The following BEAN1 variants were observed in gnomAD, a reference collection of about 807,000 sequenced individuals.
The protein encoded by BEAN1 is brain expressed associated with NEDD4 1.
Under a neutral mutation model 17.7 loss-of-function variants are expected in BEAN1, and 17 were observed. The observed-to-expected ratio is 0.96, with a 90% confidence interval of 0.66 to 1.44. The LOEUF is 1.44. Ranked by LOEUF, BEAN1 falls within the 40% of genes most tolerant of loss-of-function variation. BEAN1 has a pLI of 0.00. For missense variants in BEAN1, 359 were observed against 374.1 expected (o/e 0.96, Z 0.33); for synonymous variants, 142 against 151.8 (o/e 0.94, Z 0.47).
intron 2 of BEAN1, among the ~76,000 whole-genome samples, chr16:66,458,618 G>C (rs1035552827): frequency 1.5e-5 from 2 of 131,172 alleles, no homozygotes; most frequent in African/African-American, 5.9e-5. Flanking sequence ...CTTCTGCTCT[G>C]TGCTACTATT....
rs536031989 is a variant in BEAN1, at chr16:66,445,062, G to A, written c.25+7361G>A. Among the ~76,000 whole-genome samples, 36 of 152,322 alleles carry A rather than the reference G, an allele frequency of 2.4e-4. No individual in the cohort carries two copies. The South Asian group carries it at 4.3e-3, about 18-fold the overall frequency. ...AATCTTTCTGGGTGCCAGGGTTACA[G>A]CCTTGAACAAAGCAAAGTCCCAGCT... On this transcript the variant is annotated intron_variant, in intron 2 of 4. Coordinates refer to ENST00000536005, the MANE Select transcript of BEAN1 (RefSeq NM_001178020.3).
intron 2 of BEAN1, among the ~76,000 whole-genome samples, chr16:66,462,860 G>A (rs1421855495): frequency 6.6e-6 from 1 of 151,036 alleles, no homozygotes; most frequent in Non-Finnish European, 1.5e-5. Context: ...AATCAAATGA[G>A]GTGGACAGGG....
chr16:66,446,547 G>C (rs1163066152), intron 2 of BEAN1, among the ~76,000 whole-genome samples: 1 of 152,152 alleles, frequency 6.6e-6, no homozygotes, highest in African/African-American at 2.4e-5. Context: ...GTTCAGAGAA[G>C]AGTCTGGAGC....
chr16:66,493,929 T>G (rs1237023496), downstream of BEAN1, among the ~76,000 whole-genome samples: 1 of 152,200 alleles, frequency 6.6e-6, no homozygotes, highest in Non-Finnish European at 1.5e-5. Context: ...TAGGGCCTCT[T>G]GTGGGGCCAG....
downstream of BEAN1, among the ~76,000 whole-genome samples, chr16:66,487,473 C>G (rs1006229764): frequency 3.3e-5 from 5 of 152,178 alleles, no homozygotes; most frequent in African/African-American, 1.2e-4. Context: ...GAACTCCCAG[C>G]TCAATTATGA....
intron 4 of BEAN1, among the ~76,000 whole-genome samples, chr16:66,478,661 GAC>G (rs1434268014): frequency 6.6e-6 from 1 of 152,116 alleles, no homozygotes; most frequent in Non-Finnish European, 1.5e-5. Flanking sequence ...TCATGAAAAT[GAC>G]ACAGAAGTGC....
intron 2 of BEAN1, among the ~76,000 whole-genome samples, chr16:66,457,591 A>T (rs1962921296): frequency 6.6e-6 from 1 of 151,904 alleles, no homozygotes; most frequent in Non-Finnish European, 1.5e-5. Flanking sequence ...CTACAGACTC[A>T]CCCCTCTGTG....
At chr16:66,444,267 C>T (rs571161837) in intron 2 of BEAN1, among the ~76,000 whole-genome samples, 10 of 152,314 alleles carry the variant, frequency 6.6e-5, no homozygotes, top group Non-Finnish European at 1.5e-4. Flanking sequence ...CTTAGATTTT[C>T]CCCAATCTGA....
intron 2 of BEAN1, among the ~76,000 whole-genome samples, chr16:66,460,941 G>A (rs1326302865): frequency 6.6e-6 from 1 of 152,236 alleles, no homozygotes; most frequent in Non-Finnish European, 1.5e-5. Flanking sequence ...GATTAAATGA[G>A]ATAATGTGGT....
At chr16:66,452,637 C>A (rs1041773096) in intron 2 of BEAN1, among the ~76,000 whole-genome samples, 1 of 152,146 alleles carries the variant, frequency 6.6e-6, no homozygotes, top group African/African-American at 2.4e-5. Flanking sequence ...AATCTGAGTG[C>A]GTTGTCAGGT....
chr16:66,456,483 T>C (rs1962873045), intron 2 of BEAN1, among the ~76,000 whole-genome samples: 2 of 152,116 alleles, frequency 1.3e-5, no homozygotes, highest in South Asian at 4.1e-4. Context: ...CATTATATTA[T>C]ATATATAAAA....
rs781679171 is a variant in BEAN1 at position 66,481,250 on chromosome 16, C to T, written c.*325C>T. 1.5e-5 allele frequency: 6 copies of T among 399,758 alleles called. No individual in the cohort carries two copies. Among genetic ancestry groups the T allele is most frequent in the African/African-American group, 4.1e-5 (2 of 48,654 alleles). 24.8% of individuals were successfully genotyped at this position (399,758 alleles called of 1,614,324 possible). A position where few individuals can be genotyped will look rare whatever the true frequency, so the allele number is the denominator to read the frequency against. On this transcript the variant is annotated 3_prime_UTR_variant, in exon 5 of 5. Coordinates refer to ENST00000536005, the MANE Select transcript of BEAN1 (RefSeq NM_001178020.3). The surrounding 1 kb of genome is among the most constrained non-coding windows in gnomAD (Gnocchi z 4.1). ...TGTTGTGCCTCTGTAGAGAGCGCTT[C>T]GGAGAGAGAGGCGAAGTAGGAAGTG...
chr16:66,452,056 C>T (rs987789836), intron 2 of BEAN1, among the ~76,000 whole-genome samples: 1 of 152,146 alleles, frequency 6.6e-6, no homozygotes, highest in Non-Finnish European at 1.5e-5. Flanking sequence ...CCCAAATGCC[C>T]CATAATGTTT....
intron 4 of BEAN1, 199 bp downstream of exon 4, chr16:66,477,909 C>G (rs2142459639): frequency 5.9e-6 from 3 of 507,132 alleles, no homozygotes; most frequent in Middle Eastern, 5.3e-4. Context: ...GCAGATATCA[C>G]CTGGAAGTGC....
chr16:66,440,365 A>G (rs1043926700), intron 2 of BEAN1, among the ~76,000 whole-genome samples: 34 of 152,018 alleles, frequency 2.2e-4, no homozygotes, highest in African/African-American at 7.7e-4. Flanking sequence ...TCCTGACTTC[A>G]GGTGATCTGC....
chr16:66,454,854 C>G (rs1347002061), intron 2 of BEAN1, among the ~76,000 whole-genome samples: 1 of 150,192 alleles, frequency 6.7e-6, no homozygotes, highest in Non-Finnish European at 1.5e-5. Flanking sequence ...TGGATGGGCT[C>G]TTTCCAACAG....
chr16:66,428,716 T>C (rs1431675133), intron 1 of BEAN1, among the ~76,000 whole-genome samples: 1 of 152,110 alleles, frequency 6.6e-6, no homozygotes, highest in Admixed American at 6.5e-5. Flanking sequence ...CAGTGGCCAA[T>C]TGTGGTGGGC....
chr16:66,439,931 ATTC>A (rs1465709611), intron 2 of BEAN1, among the ~76,000 whole-genome samples: 1 of 151,874 alleles, frequency 6.6e-6, no homozygotes, highest in African/African-American at 2.4e-5. Flanking sequence ...TCTCTGCCAA[ATTC>A]TTCTCACATT....
chr16:66,455,199 T>G (rs923859143), intron 2 of BEAN1, among the ~76,000 whole-genome samples: 1 of 152,220 alleles, frequency 6.6e-6, no homozygotes, highest in Non-Finnish European at 1.5e-5. Flanking sequence ...TCAGTGTCAC[T>G]AAGCCAGGCT....
Sources: allele counts gnomAD v4.1 joint callset (sites outside exome capture counted in the v4.1 genomes callset), GRCh38; gene constraint gnomAD v4.1.1; non-coding constraint Gnocchi (gnomAD v3.1); transcripts MANE v1.5; gene names NCBI Gene and HGNC (gene_info 2026-07-23, HGNC 2026-07-21).